DAB1: variants seen among roughly 807,000 people sequenced by gnomAD.
The protein encoded by DAB1 is disabled homolog 1.
Under a neutral mutation model 64.6 loss-of-function variants are expected in DAB1, and 15 were observed. The ratio of observed to expected loss-of-function variants is 0.23; its 90% CI spans 0.16 to 0.36. DAB1 has a LOEUF of 0.36. DAB1 is among the 10% of genes least tolerant of loss of function. The pLI, the probability that DAB1 is intolerant of heterozygous loss-of-function variation, is 1.00. For synonymous variants in DAB1, 235 were observed against 251.9 expected, an observed-to-expected ratio of 0.93 and a Z score of 0.64; for missense variants, 596 against 706.7, an observed-to-expected ratio of 0.84 and a Z score of 1.78.
At chr1:57,973,182 G>A (rs1357356804) in intron 5 of DAB1, among the ~76,000 whole-genome samples, 1 of 152,156 alleles carries the variant, frequency 6.6e-6, no homozygotes, top group Admixed American at 6.6e-5. Flanking sequence ...GTGATGTGAA[G>A]ACAGGGCAGA....
intron 5 of DAB1, among the ~76,000 whole-genome samples, chr1:58,142,125 G>A (rs769360571): frequency 1.8e-4 from 27 of 152,000 alleles, no homozygotes; most frequent in Non-Finnish European, 3.4e-4. Flanking sequence ...CTGAATAAGA[G>A]GCATGGACAC....
At chr1:57,674,038 G>A (rs1646537618) in intron 6 of DAB1, among the ~76,000 whole-genome samples, 1 of 152,166 alleles carries the variant, frequency 6.6e-6, no homozygotes, top group African/African-American at 2.4e-5. Context: ...CCACCCTAGA[G>A]GGTTGTTGAG....
At chr1:58,186,574 T>G (rs1657089147) in intron 4 of DAB1, among the ~76,000 whole-genome samples, 1 of 152,236 alleles carries the variant, frequency 6.6e-6, no homozygotes, top group Non-Finnish European at 1.5e-5. Context: ...GAAAGGGAGT[T>G]GTTATTTAAT....
intron 1 of DAB1, among the ~76,000 whole-genome samples, chr1:57,831,969 T>G (rs1652608706): frequency 6.6e-6 from 1 of 152,172 alleles, no homozygotes; most frequent in Non-Finnish European, 1.5e-5. Flanking sequence ...ATATAAAACT[T>G]ACATTCCAGT....
chr1:57,771,930 T>A (rs1015175148), intron 6 of DAB1, among the ~76,000 whole-genome samples: 1 of 152,144 alleles, frequency 6.6e-6, no homozygotes, highest in African/African-American at 2.4e-5. Context: ...GAGGTATTAA[T>A]ACTTTATTTC....
At chr1:57,498,894 T>C (rs1458407193) in intron 7 of DAB1, among the ~76,000 whole-genome samples, 1 of 152,158 alleles carries the variant, frequency 6.6e-6, no homozygotes, top group Non-Finnish European at 1.5e-5. Context: ...ACGAATTGGT[T>C]TTGGCAAAGG....
At chr1:57,518,694 A>G (rs1570590891) in intron 7 of DAB1, among the ~76,000 whole-genome samples, 1 of 152,144 alleles carries the variant, frequency 6.6e-6, no homozygotes. Flanking sequence ...CAAACCACAT[A>G]AGCCCCCACC....
At chr1:58,221,893 C>T (rs1276337004) in intron 4 of DAB1, among the ~76,000 whole-genome samples, 2 of 152,178 alleles carry the variant, frequency 1.3e-5, no homozygotes, top group African/African-American at 4.8e-5. Context: ...GTAGGTCTGG[C>T]AGGTTCCATA....
intron 4 of DAB1, among the ~76,000 whole-genome samples, chr1:58,180,271 T>C (rs1330071843): frequency 4.9e-5 from 7 of 143,222 alleles, no homozygotes; most frequent in Admixed American, 4.6e-4. Flanking sequence ...TTTTTTCTTT[T>C]TTTTCTTTTC....
At chr1:58,373,434 G>A (rs1644289461) in intron 3 of DAB1, among the ~76,000 whole-genome samples, 1 of 148,066 alleles carries the variant, frequency 6.8e-6, no homozygotes, top group South Asian at 2.2e-4. Context: ...TTGGTTTTTT[G>A]TTCTTGCAAT....
At chr1:57,524,659 C>T (rs1021641164) in intron 7 of DAB1, among the ~76,000 whole-genome samples, 8 of 152,162 alleles carry the variant, frequency 5.3e-5, no homozygotes, top group Admixed American at 5.2e-4. Flanking sequence ...TTATAAAGAA[C>T]CTTCTTAAGG....
chr1:57,815,898 T>C (rs1411938046), intron 6 of DAB1, among the ~76,000 whole-genome samples: 1 of 152,166 alleles, frequency 6.6e-6, no homozygotes, highest in Non-Finnish European at 1.5e-5. Context: ...AACATGATCT[T>C]TTAATGTATC....
chr1:57,852,207 G>T (rs1217323362), intron 1 of DAB1, among the ~76,000 whole-genome samples: 4 of 152,108 alleles, frequency 2.6e-5, no homozygotes, highest in African/African-American at 9.7e-5. Context: ...TAGGTGTCCT[G>T]CCCTGTTCCC....
intron 2 of DAB1, among the ~76,000 whole-genome samples, chr1:57,277,160 T>G (rs1671532120): frequency 6.6e-6 from 1 of 152,154 alleles, no homozygotes; most frequent in South Asian, 2.1e-4. Context: ...TTCCACGATT[T>G]TGAACTCCAA....
At position 57,015,210 on chromosome 1, in the gene DAB1, T is replaced by C. The variant is rs1401115272; in HGVS notation, c.1117A>G (p.Met373Val). Residue 373 changes from methionine to valine, a missense_variant, in exon 12 of 15, where the codon ATG (methionine) becomes GTG (valine). This residue lies in a region of DAB1 where 377 missense variants were observed against 400.4 expected (regional missense o/e 0.94). Transcript: ENST00000371236. ...PAAFMPTQTV[M>V]PLPAAMFQGP... Reference sequence around the variant, plus strand: ...TGGAACATGGCAGCTGGCAAAGGCATAACAGTTTGTGTGGGCATGAAGGCG... The same window carrying C: ...TGGAACATGGCAGCTGGCAAAGGCACAACAGTTTGTGTGGGCATGAAGGCG... 3 of 1,613,926 alleles carry C rather than the reference T, an allele frequency of 1.9e-6. No homozygotes were observed. The highest frequency in any genetic ancestry group is 2.5e-6 in the Non-Finnish European group (3 of 1,180,008).
At chr1:58,000,874 T>G (rs1646497808) in intron 5 of DAB1, among the ~76,000 whole-genome samples, 2 of 151,654 alleles carry the variant, frequency 1.3e-5, no homozygotes, top group Admixed American at 1.3e-4. Flanking sequence ...CCCAGCCTTT[T>G]TTGCCTTCTA....
At chr1:57,725,438 T>C (rs1413382001) in intron 6 of DAB1, among the ~76,000 whole-genome samples, 2 of 152,110 alleles carry the variant, frequency 1.3e-5, no homozygotes, top group African/African-American at 4.8e-5. Flanking sequence ...TAAAACTTCA[T>C]ACCTGCCTTC....
intron 7 of DAB1, among the ~76,000 whole-genome samples, chr1:57,563,491 C>T (rs949438181): frequency 6.6e-6 from 1 of 152,130 alleles, no homozygotes; most frequent in East Asian, 1.9e-4. Context: ...CAGGGTGAGG[C>T]ATTACCTCAC....
intron 2 of DAB1, among the ~76,000 whole-genome samples, chr1:58,519,159 A>G (rs990144493): frequency 3.3e-5 from 5 of 152,234 alleles, no homozygotes; most frequent in African/African-American, 1.2e-4. Context: ...AGAATTTTTA[A>G]AAGTCTCCAC....
Sources: allele counts gnomAD v4.1 joint callset (sites outside exome capture counted in the v4.1 genomes callset), GRCh38; gene constraint gnomAD v4.1.1; regional missense constraint gnomAD v4.1.1; transcripts MANE v1.5; gene names NCBI Gene and HGNC (gene_info 2026-07-23, HGNC 2026-07-21).